CCDC125: variants seen among roughly 807,000 people sequenced by gnomAD.
The protein encoded by CCDC125 is coiled-coil domain containing 125.
CCDC125 carries 43 observed loss-of-function variants against 57.4 expected under a neutral mutation model. That is an observed-to-expected ratio of 0.75 (90% confidence interval 0.59 to 0.97). The LOEUF (loss-of-function observed/expected upper bound fraction) is 0.97, where lower values mean the gene tolerates loss of function less well. CCDC125 is among the 50% of genes least tolerant of loss of function. The pLI is 0.00. For missense variants in CCDC125, 563 were observed against 595.7 expected (o/e 0.95, Z 0.57); for synonymous variants, 187 against 195.2 (o/e 0.96, Z 0.35).
intron 6 of CCDC125, among the ~76,000 whole-genome samples, 176 bp from the exon 7 acceptor site, chr5:69,304,105 ATTT>A (rs35098133): frequency 4.9e-5 from 7 of 142,156 alleles, no homozygotes; most frequent in African/African-American, 5.2e-5. Context: ...TGTGGTAAGA[ATTT>A]TTTTTTTTTT....
intron 1 of CCDC125, among the ~76,000 whole-genome samples, chr5:69,327,317 A>C (rs1297157950): frequency 6.6e-6 from 1 of 151,946 alleles, no homozygotes; most frequent in Non-Finnish European, 1.5e-5. Context: ...GATGGTCTCG[A>C]TCTCCTGACC....
At chr5:69,296,478 G>T (rs1420419672) in intron 8 of CCDC125, among the ~76,000 whole-genome samples, 1 of 151,950 alleles carries the variant, frequency 6.6e-6, no homozygotes, top group Non-Finnish European at 1.5e-5. Context: ...CTTGAACCTG[G>T]GAGGCAGAGG....
At chr5:69,285,240 A>T in intron 11 of CCDC125, 97 bp downstream of exon 11, 1 of 1,157,222 alleles carries the variant, frequency 8.6e-7, no homozygotes, top group Admixed American at 2.7e-5. Context: ...GTGTTGGGCC[A>T]CATTCAAAGC....
In CCDC125 at chr5:69,281,912, CAG is replaced by C. The variant is rs1387421854; in HGVS notation, c.*815_*816del. The C allele has an allele frequency of 6.9e-6, 1 of 144,646 alleles. No individual in the cohort carries two copies. Among genetic ancestry groups the C allele is most frequent in the Non-Finnish European group, 1.5e-5 (1 of 66,904 alleles). 9.0% of individuals were successfully genotyped at this position (144,646 alleles called of 1,614,324 possible). A position where few individuals can be genotyped will look rare whatever the true frequency, so the allele number is the denominator to read the frequency against. ...AATGTGTTTTTTTTTTTTTTTGAGA[CAG>C]AGTTTCGCTCTTGTCGCCCAGGCTG... On this transcript the variant is annotated 3_prime_UTR_variant, in exon 12 of 12. Coordinates refer to ENST00000396496, the MANE Select transcript of CCDC125 (RefSeq NM_176816.5).
At chr5:69,309,378 G>A (rs183722885) in intron 4 of CCDC125, 140 of 152,418 alleles carry the variant, frequency 9.2e-4, no homozygotes, top group Non-Finnish European at 1.3e-3. Flanking sequence ...GGTGCCCTGC[G>A]TCCCAGCCAC....
At chr5:69,306,993 G>A in intron 5 of CCDC125, 91 bp from the exon 6 acceptor site, 1 of 1,292,758 alleles carries the variant, frequency 7.7e-7, no homozygotes, top group Non-Finnish European at 1.0e-6. Context: ...CATATAATCA[G>A]TTCTCAGAAA....
intron 8 of CCDC125, 124 bp from the exon 9 acceptor site, chr5:69,295,024 TG>T: frequency 1.5e-6 from 1 of 650,638 alleles, no homozygotes; most frequent in Non-Finnish European, 2.5e-6. Context: ...CCAAAAAAAC[TG>T]GAAAGGAAAA....
chr5:69,277,107 G>C, downstream of CCDC125: 1 of 1,595,388 alleles, frequency 6.3e-7, no homozygotes, highest in Non-Finnish European at 8.5e-7. Flanking sequence ...TGCTTCCTAG[G>C]AGGATTGCCC....
chr5:69,325,274 C>T (rs374669187), intron 1 of CCDC125, among the ~76,000 whole-genome samples: 3 of 144,446 alleles, frequency 2.1e-5, no homozygotes, highest in Non-Finnish European at 4.5e-5. Flanking sequence ...TGCAGTGAGC[C>T]GAGCTTGCAC....
intron 1 of CCDC125, among the ~76,000 whole-genome samples, chr5:69,321,866 C>T (rs933974360): frequency 2.6e-5 from 4 of 152,016 alleles, no homozygotes; most frequent in Non-Finnish European, 4.4e-5. Context: ...GACGGAGCTT[C>T]GCTCTTGTTG....
chr5:69,313,179 G>A (rs924148614), intron 3 of CCDC125, among the ~76,000 whole-genome samples: 2 of 152,182 alleles, frequency 1.3e-5, no homozygotes, highest in African/African-American at 4.8e-5. Context: ...CGGAAGGCCA[G>A]AACCATCAGG....
intron 8 of CCDC125, among the ~76,000 whole-genome samples, chr5:69,296,730 G>A (rs1211803386): frequency 3.9e-5 from 6 of 152,030 alleles, no homozygotes; most frequent in Non-Finnish European, 7.4e-5. Context: ...TTGGGAGGCC[G>A]AGGCAGGTGG....
chr5:69,299,107 CTTTCT>C (rs1030910276), intron 8 of CCDC125, among the ~76,000 whole-genome samples: 9 of 123,076 alleles, frequency 7.3e-5, no homozygotes, highest in East Asian at 5.5e-4. Context: ...TAAGTTCTTT[CTTTCT>C]TTTTTTTTTT....
chr5:69,313,608 G>C (rs1355963138), intron 3 of CCDC125: 4 of 731,542 alleles, frequency 5.5e-6, no homozygotes, highest in East Asian at 2.5e-5. Flanking sequence ...GGTCTCATAG[G>C]TTGCGTCATA....
intron 6 of CCDC125, among the ~76,000 whole-genome samples, chr5:69,305,824 C>T (rs887873372): frequency 2.6e-5 from 4 of 152,112 alleles, no homozygotes; most frequent in Non-Finnish European, 4.4e-5. Context: ...GCAAGGAGCC[C>T]CCTGACCCCT....
downstream of CCDC125, among the ~76,000 whole-genome samples, chr5:69,277,844 TA>T (rs894863919): frequency 6.6e-6 from 1 of 151,994 alleles, no homozygotes; most frequent in South Asian, 2.1e-4. Context: ...CGGAATGTAC[TA>T]AAAAAAGAAA....
chr5:69,287,263 A>T (rs1240979017), intron 10 of CCDC125, among the ~76,000 whole-genome samples: 2 of 141,004 alleles, frequency 1.4e-5, no homozygotes, highest in Non-Finnish European at 1.5e-5. Context: ...AGATTAATCA[A>T]TTTTTTTTTT....
At chr5:69,306,000 C>A (rs1264508802) in intron 6 of CCDC125, among the ~76,000 whole-genome samples, 1 of 152,130 alleles carries the variant, frequency 6.6e-6, no homozygotes, top group Non-Finnish European at 1.5e-5. Context: ...AATAAACTCA[C>A]ACAAATAAAA....
chr5:69,319,862 G>T (rs151268113), intron 2 of CCDC125, among the ~76,000 whole-genome samples: 1,554 of 151,840 alleles, frequency 0.01, 23 homozygotes, highest in African/African-American at 0.036. Flanking sequence ...GGCTCATGCC[G>T]GTAATCCCAG....
Sources: allele counts gnomAD v4.1 joint callset (sites outside exome capture counted in the v4.1 genomes callset), GRCh38; gene constraint gnomAD v4.1.1; transcripts MANE v1.5; gene names NCBI Gene and HGNC (gene_info 2026-07-23, HGNC 2026-07-21).